SRD5A2: variants seen among roughly 807,000 people sequenced by gnomAD.
The protein encoded by SRD5A2 is steroid 5 alpha-reductase 2.
Under a neutral mutation model 27.4 loss-of-function variants are expected in SRD5A2, and 30 were observed. The observed-to-expected ratio is 1.10, with a 90% CI of 0.82 to 1.49. The LOEUF is 1.49. Among genes scored for constraint, SRD5A2 ranks in the 40% most tolerant of loss-of-function variants. The probability of loss-of-function intolerance (pLI) is 0.00; values close to 1 mark genes in which losing one functional copy is unlikely to be tolerated. For missense variants in SRD5A2, 348 were observed against 323.4 expected, an observed-to-expected ratio of 1.08 and a Z score of -0.58; for synonymous variants, 141 against 133.6, an observed-to-expected ratio of 1.06 and a Z score of -0.38.
chr2:31,530,828 C>G (rs1665891060), intron 3 of SRD5A2, among the ~76,000 whole-genome samples: 1 of 152,142 alleles, frequency 6.6e-6, no homozygotes, highest in Non-Finnish European at 1.5e-5. Context: ...AACATGCTCA[C>G]CTTTATCTCC....
chr2:31,594,240 T>C, the SRD5A2 span, among the ~76,000 whole-genome samples: 40 of 152,260 alleles, frequency 2.6e-4, no homozygotes, highest in African/African-American at 9.6e-4. Flanking sequence ...AATGTTCCAC[T>C]TAAAAAATAC....
chr2:31,662,738 C>G, the SRD5A2 span, among the ~76,000 whole-genome samples: 1 of 152,154 alleles, frequency 6.6e-6, no homozygotes, highest in Non-Finnish European at 1.5e-5. Flanking sequence ...CATCCAATCA[C>G]TCTCATTTGG....
the SRD5A2 span, among the ~76,000 whole-genome samples, chr2:31,590,251 C>T: frequency 6.6e-6 from 1 of 151,428 alleles, no homozygotes; most frequent in Admixed American, 6.6e-5. Context: ...CCGCTCATCA[C>T]CTGAGAAACC....
rs1665706627 is a variant in SRD5A2 at position 31,523,644 on chromosome 2, G to T, written c.*2552C>A. The stretch of plus-strand genomic sequence containing the variant: ...AAACGCCTCTTCCGTGAAAGCTTCA[G>T]CAAGACCAAGATAGAGTATCTTGTG... On this transcript the variant is annotated 3_prime_UTR_variant, in exon 5 of 5. Coordinates refer to ENST00000622030, the MANE Select transcript of SRD5A2 (RefSeq NM_000348.4). 1.4e-5 allele frequency: 3 copies of T among 220,632 alleles called. No individual in the cohort carries two copies. The highest frequency in any genetic ancestry group is 6.6e-5 in the East Asian group (1 of 15,096). The allele number at this position is 220,632 out of a possible 1,614,324, so 13.7% of individuals were successfully genotyped here.
chr2:31,554,333 A>G lies in SRD5A2; in HGVS notation c.282-20567T>C, dbSNP rs577666715. Among the ~76,000 whole-genome samples the G allele has an allele frequency of 2.4e-3, 361 of 152,334 alleles. 2 individuals carry two copies. The highest frequency in any genetic ancestry group is 8.2e-3 in the African/African-American group (339 of 41,578). Reference sequence around the variant, plus strand: ...ATGCTTAATATGAATGCTTTAATCAATTCATAATCAGATGGTACTTGCCCT... The same window carrying G: ...ATGCTTAATATGAATGCTTTAATCAGTTCATAATCAGATGGTACTTGCCCT... On this transcript the variant is annotated intron_variant, in intron 1 of 4. Coordinates refer to ENST00000622030, the MANE Select transcript of SRD5A2 (RefSeq NM_000348.4).
chr2:31,530,625 T>A (rs1447215781), intron 3 of SRD5A2, among the ~76,000 whole-genome samples: 1 of 152,114 alleles, frequency 6.6e-6, no homozygotes, highest in African/African-American at 2.4e-5. Context: ...TAATGTGCAC[T>A]AACATCATGT....
intron 1 of SRD5A2, among the ~76,000 whole-genome samples, chr2:31,548,097 A>C (rs1420875160): frequency 6.6e-6 from 1 of 152,156 alleles, no homozygotes; most frequent in Non-Finnish European, 1.5e-5. Flanking sequence ...AATTAACTCA[A>C]AATTGATCAA....
the SRD5A2 span, among the ~76,000 whole-genome samples, chr2:31,618,113 C>T: frequency 6.6e-6 from 1 of 152,122 alleles, no homozygotes; most frequent in Non-Finnish European, 1.5e-5. Flanking sequence ...GAATGAGGAA[C>T]AGAGTAAGGT....
At chr2:31,591,528 G>C in the SRD5A2 span, among the ~76,000 whole-genome samples, 1 of 151,922 alleles carries the variant, frequency 6.6e-6, no homozygotes, top group African/African-American at 2.4e-5. Context: ...AGTCAGTGTG[G>C]TGATTCCTCA....
At chr2:31,562,260 G>A (rs1243300330) in intron 1 of SRD5A2, among the ~76,000 whole-genome samples, 1 of 151,736 alleles carries the variant, frequency 6.6e-6, no homozygotes, top group East Asian at 1.9e-4. Flanking sequence ...AATATTTGTG[G>A]GTATATAGTG....
the SRD5A2 span, among the ~76,000 whole-genome samples, chr2:31,650,257 T>C: frequency 5.0e-4 from 76 of 152,260 alleles, 1 homozygote; most frequent in African/African-American, 7.2e-5. Flanking sequence ...GATGGTGAGA[T>C]AGGTTTATTT....
At chr2:31,554,997 A>C (rs1666466577) in intron 1 of SRD5A2, among the ~76,000 whole-genome samples, 1 of 149,916 alleles carries the variant, frequency 6.7e-6, no homozygotes, top group Admixed American at 6.7e-5. Context: ...CCGCCAGGCC[A>C]GTGAAGAATT....
chr2:31,585,971 GA>G, the SRD5A2 span, among the ~76,000 whole-genome samples: 1 of 152,178 alleles, frequency 6.6e-6, no homozygotes, highest in Non-Finnish European at 1.5e-5. Context: ...GACAGGGGAG[GA>G]AAGAGTGGGA....
the SRD5A2 span, among the ~76,000 whole-genome samples, chr2:31,595,883 C>T: frequency 3.9e-4 from 59 of 152,184 alleles, no homozygotes; most frequent in African/African-American, 1.2e-3. Context: ...ATAGCTGGGA[C>T]GCAGGGTTGG....
chr2:31,544,842 A>G (rs1666210668), intron 1 of SRD5A2, among the ~76,000 whole-genome samples: 1 of 151,930 alleles, frequency 6.6e-6, no homozygotes, highest in Non-Finnish European at 1.5e-5. Flanking sequence ...GACTCATATT[A>G]CTAAAATCAT....
intron 1 of SRD5A2, among the ~76,000 whole-genome samples, chr2:31,547,892 T>C (rs1190871968): frequency 6.6e-6 from 1 of 152,172 alleles, no homozygotes; most frequent in Non-Finnish European, 1.5e-5. Context: ...GATATAGATA[T>C]AGTTAGATAG....
At chr2:31,662,225 T>C in the SRD5A2 span, among the ~76,000 whole-genome samples, 1 of 152,190 alleles carries the variant, frequency 6.6e-6, no homozygotes, top group Non-Finnish European at 1.5e-5. Context: ...TATTGAACAT[T>C]ATGAATGACA....
At chr2:31,635,927 A>C in the SRD5A2 span, among the ~76,000 whole-genome samples, 1 of 151,928 alleles carries the variant, frequency 6.6e-6, no homozygotes, top group Admixed American at 6.6e-5. Context: ...TTTTATGCCA[A>C]TTCTATGATG....
chr2:31,545,960 C>T (rs1462904561), intron 1 of SRD5A2, among the ~76,000 whole-genome samples: 1 of 151,974 alleles, frequency 6.6e-6, no homozygotes, highest in Non-Finnish European at 1.5e-5. Context: ...GTCTCATTTA[C>T]GATAGCATCA....
Sources: allele counts gnomAD v4.1 joint callset (sites outside exome capture counted in the v4.1 genomes callset), GRCh38; gene constraint gnomAD v4.1.1; transcripts MANE v1.5; gene names NCBI Gene and HGNC (gene_info 2026-07-23, HGNC 2026-07-21).